PDE4D: variants seen among roughly 807,000 people sequenced by gnomAD.
PDE4D encodes the protein phosphodiesterase 4D, also known as 3',5'-cyclic-AMP phosphodiesterase 4D.
Under a neutral mutation model 87.4 loss-of-function variants are expected in PDE4D, and 24 were observed. The ratio of observed to expected loss-of-function variants is 0.27; its 90% confidence interval spans 0.20 to 0.39. PDE4D has a LOEUF of 0.39. PDE4D is among the 10% of genes least tolerant of loss of function. PDE4D has a pLI of 1.00. For synonymous variants in PDE4D, 384 were observed against 383.2 expected (o/e 1.00, Z -0.02); for missense variants, 714 against 1,041.0 (o/e 0.69, Z 4.32).
chr5:59,943,011 T>C (rs1414388694), intron 3 of PDE4D, among the ~76,000 whole-genome samples: 3 of 152,050 alleles, frequency 2.0e-5, no homozygotes, highest in Non-Finnish European at 2.9e-5. Flanking sequence ...TAAAGAATTA[T>C]CTAGCCCCAA....
At chr5:59,034,719 C>T (rs77679157) in intron 6 of PDE4D, among the ~76,000 whole-genome samples, 15,516 of 152,070 alleles carry the variant, frequency 0.1, 1,032 homozygotes, top group Non-Finnish European at 0.13. Context: ...GAAGTCATGA[C>T]CACATTTGTA....
At chr5:59,468,605 C>A (rs922943269) in intron 1 of PDE4D, among the ~76,000 whole-genome samples, 2 of 152,162 alleles carry the variant, frequency 1.3e-5, no homozygotes, top group African/African-American at 4.8e-5. Context: ...GCACCCTTGT[C>A]TGAAACTTAA....
At chr5:59,607,365 C>T (rs1176903727) in intron 1 of PDE4D, among the ~76,000 whole-genome samples, 1 of 152,092 alleles carries the variant, frequency 6.6e-6, no homozygotes, top group African/African-American at 2.4e-5. Flanking sequence ...TATCAGGCTG[C>T]TGCAGTGCAG....
At chr5:60,034,383 A>T (rs1192745828) in intron 2 of PDE4D, among the ~76,000 whole-genome samples, 1 of 152,080 alleles carries the variant, frequency 6.6e-6, no homozygotes, top group Non-Finnish European at 1.5e-5. Context: ...CCAATGGGGG[A>T]TTCATCCCTT....
At chr5:59,050,004 C>CT (rs1215478164) in intron 5 of PDE4D, among the ~76,000 whole-genome samples, 5 of 152,206 alleles carry the variant, frequency 3.3e-5, no homozygotes, top group Non-Finnish European at 7.3e-5. Context: ...TGGCTCATGT[C>CT]TGTAATCCCA....
intron 3 of PDE4D, among the ~76,000 whole-genome samples, chr5:59,932,426 T>C (rs1756068775): frequency 1.3e-5 from 2 of 152,220 alleles, no homozygotes; most frequent in South Asian, 4.1e-4. Context: ...TATGCACCAT[T>C]ACATTTAATC....
chr5:60,014,544 A>G (rs775464154), intron 2 of PDE4D, among the ~76,000 whole-genome samples: 5 of 152,180 alleles, frequency 3.3e-5, no homozygotes, highest in African/African-American at 7.2e-5. Flanking sequence ...TAAAACCCTT[A>G]TAAGTTCCAC....
intron 1 of PDE4D, among the ~76,000 whole-genome samples, chr5:60,213,635 A>T (rs908479571): frequency 1.2e-4 from 19 of 152,170 alleles, no homozygotes; most frequent in Non-Finnish European, 1.8e-4. Context: ...AATTTTTTTT[A>T]AACTTTTTTT....
At chr5:59,984,674 A>T (rs1762240133) in intron 3 of PDE4D, among the ~76,000 whole-genome samples, 1 of 152,178 alleles carries the variant, frequency 6.6e-6, no homozygotes. Flanking sequence ...GAGGAAGCTA[A>T]TAGCTGTCAT....
At chr5:60,443,000 C>T (rs1349592098) in intron 1 of PDE4D, among the ~76,000 whole-genome samples, 7 of 152,018 alleles carry the variant, frequency 4.6e-5, no homozygotes, top group East Asian at 1.9e-4. Context: ...AACTTAATAT[C>T]CACTCTCAGG....
chr5:60,396,263 TG>T (rs1288790751), intron 1 of PDE4D, among the ~76,000 whole-genome samples: 1 of 152,218 alleles, frequency 6.6e-6, no homozygotes, highest in Non-Finnish European at 1.5e-5. Flanking sequence ...TTGCAGATGG[TG>T]GAGTCTAATG....
intron 5 of PDE4D, among the ~76,000 whole-genome samples, chr5:59,046,539 ATGTGTGTGTG>A (rs35264771): frequency 7.0e-6 from 1 of 143,662 alleles, no homozygotes; most frequent in Admixed American, 6.9e-5. Flanking sequence ...GTTATTGAAG[ATGTGTGTGTG>A]TGTGTGTGTG....
intron 1 of PDE4D, among the ~76,000 whole-genome samples, chr5:60,424,058 CA>C (rs1229702391): frequency 6.6e-6 from 1 of 151,954 alleles, no homozygotes; most frequent in African/African-American, 2.4e-5. Flanking sequence ...GCCTACCAAC[CA>C]AAAAAAGTCC....
At chr5:59,683,947 A>G (rs752932514) in intron 1 of PDE4D, among the ~76,000 whole-genome samples, 6 of 152,214 alleles carry the variant, frequency 3.9e-5, no homozygotes, top group Non-Finnish European at 5.9e-5. Flanking sequence ...CTACTTGCCA[A>G]GACCCGATGC....
chr5:60,139,539 A>G (rs1372465009), intron 2 of PDE4D, among the ~76,000 whole-genome samples: 4 of 152,140 alleles, frequency 2.6e-5, no homozygotes, highest in African/African-American at 4.8e-5. Flanking sequence ...ACTTACTGCT[A>G]TCAAAGATAT....
At chr5:60,507,408 C>T (rs1583956823) in intron 1 of PDE4D, among the ~76,000 whole-genome samples, 1 of 152,112 alleles carries the variant, frequency 6.6e-6, no homozygotes, top group East Asian at 1.9e-4. Flanking sequence ...TTCTTAGACA[C>T]TTTGATTCCT....
intron 3 of PDE4D, among the ~76,000 whole-genome samples, chr5:59,910,114 A>G (rs906522787): frequency 2.0e-5 from 3 of 151,952 alleles, no homozygotes; most frequent in Admixed American, 1.3e-4. Context: ...CATCTACTTT[A>G]TTGTTGCTAT....
At chr5:60,375,015 T>C (rs760513812) in intron 1 of PDE4D, among the ~76,000 whole-genome samples, 13 of 152,212 alleles carry the variant, frequency 8.5e-5, no homozygotes, top group Non-Finnish European at 1.9e-4. Flanking sequence ...GTTAGCTAGG[T>C]AATCTGGTTC....
intron 1 of PDE4D, among the ~76,000 whole-genome samples, chr5:59,602,928 C>T (rs914805709): frequency 6.6e-6 from 1 of 152,010 alleles, no homozygotes; most frequent in African/African-American, 2.4e-5. Context: ...CAAGAACATA[C>T]ATTGGGGAAA....
Sources: allele counts gnomAD v4.1 joint callset (sites outside exome capture counted in the v4.1 genomes callset), GRCh38; gene constraint gnomAD v4.1.1; transcripts MANE v1.5; gene names NCBI Gene and HGNC (gene_info 2026-07-23, HGNC 2026-07-21).